Variants in CSMD1 observed in about 807,000 individuals in gnomAD.
The protein encoded by CSMD1 is CUB and Sushi multiple domains 1, also known as CUB and sushi domain-containing protein 1.
Under a neutral mutation model 417.5 loss-of-function variants are expected in CSMD1, and 213 were observed. That is an observed-to-expected ratio of 0.51 (90% CI 0.46 to 0.57). CSMD1 has a LOEUF of 0.57. Ranked by LOEUF, CSMD1 falls within the 20% of genes least tolerant of loss-of-function variation. The pLI is 0.00. For synonymous variants in CSMD1, 2,862 were observed against 1,736.8 expected, an observed-to-expected ratio of 1.65 and a Z score of -16.11; for missense variants, 6,923 against 4,529.7, an observed-to-expected ratio of 1.53 and a Z score of -15.17.
intron 1 of CSMD1, among the ~76,000 whole-genome samples, chr8:4,918,580 G>C (rs1017878174): frequency 6.6e-6 from 1 of 152,128 alleles, no homozygotes; most frequent in South Asian, 2.1e-4. Flanking sequence ...TGCGAGTTGT[G>C]CTTTAAAAAG....
At chr8:3,402,098 G>A (rs912207590) in intron 15 of CSMD1, among the ~76,000 whole-genome samples, 2 of 151,850 alleles carry the variant, frequency 1.3e-5, no homozygotes, top group Non-Finnish European at 2.9e-5. Context: ...AATCTCATTG[G>A]GGTTACATTA....
chr8:4,231,806 A>C (rs978083935), intron 3 of CSMD1, among the ~76,000 whole-genome samples: 2 of 152,210 alleles, frequency 1.3e-5, no homozygotes, highest in Non-Finnish European at 2.9e-5. Flanking sequence ...TCTACCTAAC[A>C]AAACTGCCAG....
At chr8:3,696,228 T>C (rs13264352) in intron 7 of CSMD1, among the ~76,000 whole-genome samples, 82,362 of 152,048 alleles carry the variant, frequency 0.54, 22,641 homozygotes, top group Admixed American at 0.63. Context: ...AACCATAAAA[T>C]AGGCAATTTA....
intron 5 of CSMD1, among the ~76,000 whole-genome samples, chr8:3,985,414 G>T (rs1249340112): frequency 6.6e-6 from 1 of 151,894 alleles, no homozygotes; most frequent in Non-Finnish European, 1.5e-5. Context: ...CTCTTGTCTA[G>T]TCTTATGTGC....
chr8:4,920,506 A>T (rs1393886487), intron 1 of CSMD1, among the ~76,000 whole-genome samples: 1 of 152,160 alleles, frequency 6.6e-6, no homozygotes, highest in Non-Finnish European at 1.5e-5. Flanking sequence ...GGATTTAGTT[A>T]CTGGGGACCT....
intron 12 of CSMD1, among the ~76,000 whole-genome samples, chr8:3,421,777 G>A (rs1672699756): frequency 6.6e-6 from 1 of 152,164 alleles, no homozygotes; most frequent in African/African-American, 2.4e-5. Context: ...AGCTGGGACT[G>A]CAGGTGCATG....
rs186172412 is a variant in CSMD1, at chr8:3,272,016, C to A, written c.4153+12128G>T. ...ATGCAGTCCTTGCCCATGCCTATGT[C>A]CTGAATGGTAATGCCTAGGTTTTCT... On this transcript the variant is annotated intron_variant, in intron 26 of 69. Transcript: ENST00000635120. 1.1e-4 allele frequency among the ~76,000 whole-genome samples: 17 copies of A among 151,860 alleles called. No homozygotes were observed. In the East Asian group the frequency reaches 3.1e-3, roughly 28 times the overall value.
intron 7 of CSMD1, among the ~76,000 whole-genome samples, chr8:3,689,657 C>T (rs1233491403): frequency 6.6e-6 from 1 of 152,102 alleles, no homozygotes; most frequent in African/African-American, 2.4e-5. Context: ...TTCTGAAGGC[C>T]TTACACGAGT....
At chr8:3,200,338 T>A (rs1364718424) in intron 32 of CSMD1, among the ~76,000 whole-genome samples, 2 of 151,936 alleles carry the variant, frequency 1.3e-5, no homozygotes, top group African/African-American at 4.8e-5. Context: ...GTGGATCACT[T>A]GAGGCCAGGA....
chr8:4,412,593 G>A (rs749924364), intron 3 of CSMD1, among the ~76,000 whole-genome samples: 1 of 152,094 alleles, frequency 6.6e-6, no homozygotes, highest in African/African-American at 2.4e-5. Flanking sequence ...AGCCTCACAA[G>A]TGGAATTTCT....
At chr8:3,243,843 T>C (rs1799707397) in intron 26 of CSMD1, among the ~76,000 whole-genome samples, 1 of 151,918 alleles carries the variant, frequency 6.6e-6, no homozygotes, top group African/African-American at 2.4e-5. Flanking sequence ...ATGCAAAGTT[T>C]TGTTATTTTC....
chr8:4,037,833 T>C (rs1401506157), intron 3 of CSMD1, among the ~76,000 whole-genome samples: 1 of 152,032 alleles, frequency 6.6e-6, no homozygotes, highest in Admixed American at 6.6e-5. Context: ...TATATAAATA[T>C]TAATATATTA....
At chr8:3,116,564 T>A (rs1473765912) in intron 42 of CSMD1, among the ~76,000 whole-genome samples, 1 of 152,196 alleles carries the variant, frequency 6.6e-6, no homozygotes, top group Non-Finnish European at 1.5e-5. Flanking sequence ...AGAGTTTAGC[T>A]AATTCTAGAT....
At chr8:3,372,363 G>A (rs1810013273) in intron 18 of CSMD1, among the ~76,000 whole-genome samples, 3 of 152,116 alleles carry the variant, frequency 2.0e-5, no homozygotes, top group South Asian at 2.1e-4. Flanking sequence ...GTGACATGAT[G>A]GGGCACTGGA....
rs377764710 is a variant in CSMD1 at position 4,717,310 on chromosome 8, C to CATATATATATATATATAT, written c.86-79753_86-79752insATATATATATATATATAT. 9.8e-4 allele frequency among the ~76,000 whole-genome samples: 135 copies of CATATATATATATATATAT among 137,138 alleles called. 3 individuals are homozygous for CATATATATATATATATAT. The Middle Eastern group carries it at 0.026, about 26-fold the overall frequency. The allele number at this position is 137,138 out of a possible 152,430, so 90.0% of individuals were successfully genotyped here. A position where few individuals can be genotyped will look rare whatever the true frequency, so the allele number is the denominator to read the frequency against. On this transcript the variant is annotated intron_variant, in intron 1 of 69. Coordinates refer to ENST00000635120, the MANE Select transcript of CSMD1 (RefSeq NM_033225.6). ...CCCTGCCCTTCTCTCTCTCTCTCTC[C>CATATATATATATATATAT]ATATATATATATATATACACACACA...
At chr8:4,161,471 A>C (rs1023228918) in intron 3 of CSMD1, among the ~76,000 whole-genome samples, 2 of 152,194 alleles carry the variant, frequency 1.3e-5, no homozygotes, top group Admixed American at 1.3e-4. Flanking sequence ...GGCTTACTCA[A>C]GGTCATGCTG....
At chr8:3,054,069 C>T (rs186932180) in intron 49 of CSMD1, among the ~76,000 whole-genome samples, 116 of 152,258 alleles carry the variant, frequency 7.6e-4, no homozygotes, top group African/African-American at 2.6e-3. Context: ...AACCTCTGGC[C>T]AGAGAGCAAA....
intron 2 of CSMD1, among the ~76,000 whole-genome samples, chr8:4,470,340 C>G (rs900019069): frequency 7.2e-5 from 11 of 152,182 alleles, no homozygotes; most frequent in African/African-American, 2.7e-4. Context: ...CGTCACTTGA[C>G]TACGATGGTT....
chr8:4,898,737 C>T (rs1804667695), intron 1 of CSMD1, among the ~76,000 whole-genome samples: 1 of 152,172 alleles, frequency 6.6e-6, no homozygotes, highest in Non-Finnish European at 1.5e-5. Context: ...ACCTCTCTGA[C>T]TTTCATGTAA....
Sources: gnomAD v4.1 joint callset for allele counts (sites outside exome capture counted in the v4.1 genomes callset) on GRCh38, gnomAD v4.1.1 for gene constraint, MANE v1.5 for transcripts, NCBI Gene and HGNC (gene_info 2026-07-23, HGNC 2026-07-21) for gene names.